MTMR3: variants seen among roughly 807,000 people sequenced by gnomAD.
MTMR3 encodes the protein phosphatidylinositol-3,5-bisphosphate 3-phosphatase MTMR3.
Under a neutral mutation model 132.4 loss-of-function variants are expected in MTMR3, and 32 were observed. The observed-to-expected ratio is 0.24, with a 90% CI of 0.18 to 0.32. The LOEUF (loss-of-function observed/expected upper bound fraction) is 0.32, where lower values mean the gene tolerates loss of function less well. Ranked by LOEUF, MTMR3 falls within the 10% of genes least tolerant of loss-of-function variation. MTMR3 has a pLI of 1.00. For missense variants in MTMR3, 1,216 were observed against 1,489.6 expected, an observed-to-expected ratio of 0.82 and a Z score of 3.02; for synonymous variants, 556 against 550.3, an observed-to-expected ratio of 1.01 and a Z score of -0.14.
At chr22:29,949,781 G>A (rs952638500) in intron 1 of MTMR3, among the ~76,000 whole-genome samples, 5 of 152,068 alleles carry the variant, frequency 3.3e-5, no homozygotes, top group Admixed American at 6.6e-5. Context: ...AAGGAGAGTC[G>A]TCAGTCTAGT....
At chr22:29,907,228 G>A (rs1041760478) in intron 1 of MTMR3, among the ~76,000 whole-genome samples, 3 of 151,650 alleles carry the variant, frequency 2.0e-5, no homozygotes, top group African/African-American at 4.9e-5. Flanking sequence ...ATGAAACCCC[G>A]TCCCTACTAA....
intron 1 of MTMR3, among the ~76,000 whole-genome samples, chr22:29,910,901 G>A (rs1382190160): frequency 6.6e-6 from 1 of 152,104 alleles, no homozygotes; most frequent in Non-Finnish European, 1.5e-5. Flanking sequence ...AGTGCCAGGG[G>A]TTAGATTTTC....
intron 1 of MTMR3, among the ~76,000 whole-genome samples, chr22:29,911,046 G>A (rs778002224): frequency 2.3e-4 from 35 of 152,144 alleles, no homozygotes; most frequent in Non-Finnish European, 4.7e-4. Flanking sequence ...TGGATTTCTT[G>A]TTTTTGAGAT....
chr22:29,941,991 AAAAAAC>A (rs1446625177), intron 1 of MTMR3, among the ~76,000 whole-genome samples: 2 of 152,234 alleles, frequency 1.3e-5, no homozygotes, highest in East Asian at 1.9e-4. Flanking sequence ...TCTTAAAAAG[AAAAAAC>A]AAAAACAAAA....
intron 3 of MTMR3, among the ~76,000 whole-genome samples, chr22:29,973,344 A>G (rs552206831): frequency 6.6e-6 from 1 of 152,338 alleles, no homozygotes; most frequent in East Asian, 1.9e-4. Context: ...TATGAACATC[A>G]TTCAGCTGCA....
At chr22:30,022,172 A>C (rs41168) in intron 18 of MTMR3, 33 bp downstream of exon 18, 1,005,433 of 1,539,366 alleles carry the variant, frequency 0.65, 334,775 homozygotes, top group South Asian at 0.87. Flanking sequence ...GAGTGCCATC[A>C]ATTTAACTGT....
At chr22:29,895,074 G>A (rs780460698) in intron 1 of MTMR3, among the ~76,000 whole-genome samples, 2 of 152,226 alleles carry the variant, frequency 1.3e-5, no homozygotes, top group South Asian at 4.2e-4. Context: ...GGGGCGCGGT[G>A]GTGGGCATCT....
At chr22:30,014,647 C>T (rs1295758495) in intron 14 of MTMR3, 2 of 151,968 alleles carry the variant, frequency 1.3e-5, no homozygotes, top group East Asian at 1.9e-4. Context: ...TAGCTGGGAC[C>T]ACAGGCACAT....
chr22:29,939,887 C>A (rs1467451827), intron 1 of MTMR3, among the ~76,000 whole-genome samples: 1 of 152,174 alleles, frequency 6.6e-6, no homozygotes, highest in Non-Finnish European at 1.5e-5. Flanking sequence ...GACATTCAAC[C>A]ATTGTAATCT....
chr22:30,013,728 C>A, intron 14 of MTMR3, 187 bp downstream of exon 14: 1 of 554,718 alleles, frequency 1.8e-6, no homozygotes, highest in South Asian at 2.3e-5. Flanking sequence ...CCAGGTATAC[C>A]AGGTTTGCAT....
At chr22:29,923,224 T>A (rs920920869) in intron 1 of MTMR3, among the ~76,000 whole-genome samples, 10 of 151,514 alleles carry the variant, frequency 6.6e-5, no homozygotes, top group South Asian at 6.2e-4. Context: ...TGTAGTTTTT[T>A]TTTTTATTTT....
Position 29,889,046 on chromosome 22 carries a change from G to T in MTMR3, c.-138+5687G>T, listed in dbSNP as rs184383753. On this transcript the variant is annotated intron_variant, in intron 1 of 19. Coordinates refer to ENST00000401950, the MANE Select transcript of MTMR3 (RefSeq NM_021090.4). ...ATCATGACATAACTGGCAAGAATTGGTATGAAGACAAGATGGTTATAACTT... is the reference window on the plus strand; with the variant it reads ...ATCATGACATAACTGGCAAGAATTGTTATGAAGACAAGATGGTTATAACTT... Among the ~76,000 whole-genome samples, 393 of 151,974 alleles carry T rather than the reference G, an allele frequency of 2.6e-3. 2 individuals are homozygous for T. Among genetic ancestry groups the T allele is most frequent in the African/African-American group, 9.1e-3 (376 of 41,476 alleles).
intron 8 of MTMR3, chr22:30,000,543 T>G (rs965846975): frequency 1.3e-5 from 2 of 152,186 alleles, no homozygotes; most frequent in African/African-American, 4.8e-5. Context: ...TGCGGTCCTC[T>G]TAGCTGTCTC....
intron 1 of MTMR3, among the ~76,000 whole-genome samples, chr22:29,937,327 C>T (rs545551638): frequency 3.3e-5 from 5 of 152,166 alleles, no homozygotes; most frequent in Non-Finnish European, 7.4e-5. Context: ...ATACTGTCTA[C>T]CTTTGGTCAC....
intron 1 of MTMR3, among the ~76,000 whole-genome samples, chr22:29,887,161 T>C (rs2064694825): frequency 6.6e-6 from 1 of 152,188 alleles, no homozygotes; most frequent in Admixed American, 6.5e-5. Flanking sequence ...AAGTTCATAT[T>C]TGTATCAGAT....
At chr22:29,931,510 G>T (rs1012108994) in intron 1 of MTMR3, among the ~76,000 whole-genome samples, 2 of 152,152 alleles carry the variant, frequency 1.3e-5, no homozygotes, top group African/African-American at 4.8e-5. Context: ...CGCCTCCTGG[G>T]TTCAAGCGAT....
chr22:29,950,728 A>G (rs1226563611), intron 1 of MTMR3, among the ~76,000 whole-genome samples: 1 of 138,270 alleles, frequency 7.2e-6, no homozygotes, highest in East Asian at 1.9e-4. Context: ...TTAAACTCTT[A>G]ATTTCTATAG....
chr22:29,906,635 C>T (rs1031425433), intron 1 of MTMR3, among the ~76,000 whole-genome samples: 1 of 152,122 alleles, frequency 6.6e-6, no homozygotes, highest in Non-Finnish European at 1.5e-5. Context: ...CGTGCCTGGC[C>T]TGTCTCACTT....
rs905026807 is a variant in MTMR3, at chr22:29,932,505, C to T, written c.-137-24531C>T. Among the ~76,000 whole-genome samples the T allele has an allele frequency of 8.6e-5, 13 of 152,012 alleles. No individual in the cohort carries two copies. The South Asian group carries it at 1.5e-3, about 17-fold the overall frequency. On this transcript the variant is annotated intron_variant, in intron 1 of 19. Coordinates refer to ENST00000401950, the MANE Select transcript of MTMR3 (RefSeq NM_021090.4). ...ATAATCAAAGATTGCTGGGAAGGCA[C>T]GGAAGTGATCAAGACTAATTATGAT...
Sources: allele counts gnomAD v4.1 joint callset (sites outside exome capture counted in the v4.1 genomes callset), GRCh38; gene constraint gnomAD v4.1.1; transcripts MANE v1.5; gene names NCBI Gene and HGNC (gene_info 2026-07-23, HGNC 2026-07-21).